Variants in RNF130 observed in about 807,000 individuals in gnomAD.
The protein encoded by RNF130 is E3 ubiquitin-protein ligase RNF130.
RNF130 carries 21 observed loss-of-function variants against 44.6 expected under a neutral mutation model. The observed-to-expected ratio is 0.47, with a 90% CI of 0.33 to 0.68. RNF130 has a LOEUF of 0.68. RNF130 is among the 30% of genes least tolerant of loss of function. The probability of loss-of-function intolerance (pLI) is 0.02; values close to 1 mark genes in which losing one functional copy is unlikely to be tolerated. For missense variants in RNF130, 479 were observed against 560.6 expected, an observed-to-expected ratio of 0.85 and a Z score of 1.47; for synonymous variants, 214 against 210.4, an observed-to-expected ratio of 1.02 and a Z score of -0.15.
rs570884111 is a variant in RNF130 at position 179,977,857 on chromosome 5, A to AAAATAAAT, written c.848+338_848+345dup. Reference sequence around the variant, plus strand: ...GTGACAGAGCGAGACTCCGTCTCAAAAAATAAATAAATAAATAAATAAAAG... The same window carrying AAAATAAAT: ...GTGACAGAGCGAGACTCCGTCTCAAAAAATAAATAAATAAATAAATAAATAAATAAAAG... On this transcript the variant is annotated intron_variant, in intron 5 of 8. Transcript: ENST00000521389. This position sits in a 1 kb window ranked among gnomAD's most constrained non-coding sequence, Gnocchi z 4.1. Among the ~76,000 whole-genome samples the AAAATAAAT allele has an allele frequency of 6.6e-6, 1 of 152,238 alleles. No individual in the cohort carries two copies. The highest frequency in any genetic ancestry group is 6.5e-5 in the Admixed American group (1 of 15,282).
At chr5:180,030,916 A>T (rs1244102474) in intron 2 of RNF130, among the ~76,000 whole-genome samples, 1 of 152,194 alleles carries the variant, frequency 6.6e-6, no homozygotes. Context: ...ATCCACTTAC[A>T]GGCAAATTTT....
At chr5:179,980,007 T>C in intron 4 of RNF130, 122 bp downstream of exon 4, 1 of 759,826 alleles carries the variant, frequency 1.3e-6, no homozygotes, top group South Asian at 1.7e-5. Flanking sequence ...AAGCATTAGG[T>C]AGTGTAGTTG....
At position 180,071,422 on chromosome 5, in the gene RNF130, G is replaced by C. The variant is rs760076932; in HGVS notation, c.247+34C>G. The C allele has an allele frequency of 3.3e-5, 41 of 1,231,624 alleles. No individual in the cohort carries two copies. The African/African-American group carries it at 5.1e-4, about 15-fold the overall frequency. The allele number at this position is 1,231,624 out of a possible 1,614,324, so 76.3% of individuals were successfully genotyped here. A position where few individuals can be genotyped will look rare whatever the true frequency, so the allele number is the denominator to read the frequency against. On this transcript the variant is annotated intron_variant, in intron 1 of 8. Transcript: ENST00000521389. ...TCCCGCCGCCTACGCGGGATGCAGC[G>C]ACCACCGCCCGCCGCCCCCGGGCCG... is the stretch of plus-strand genomic sequence containing the variant.
chr5:179,969,605 C>T (rs1405518814), intron 6 of RNF130, among the ~76,000 whole-genome samples: 1 of 152,098 alleles, frequency 6.6e-6, no homozygotes, highest in Non-Finnish European at 1.5e-5. Flanking sequence ...TGGTGACTCA[C>T]GCCTATAATC....
intron 8 of RNF130, among the ~76,000 whole-genome samples, chr5:179,963,240 C>T (rs754165225): frequency 3.9e-5 from 6 of 152,216 alleles, no homozygotes; most frequent in Non-Finnish European, 8.8e-5. Flanking sequence ...TAATGAAAAC[C>T]TCTGGATCTT....
intron 7 of RNF130, chr5:179,933,840 G>T: frequency 1.3e-6 from 1 of 792,148 alleles, no homozygotes; most frequent in Non-Finnish European, 2.1e-6. Context: ...CCTCCTGTGT[G>T]TTTTTGTCTT....
intron 7 of RNF130, among the ~76,000 whole-genome samples, chr5:179,940,809 T>C (rs540042224): frequency 1.5e-4 from 23 of 151,998 alleles, no homozygotes; most frequent in African/African-American, 5.3e-4. Context: ...CCATTCTCTG[T>C]CTTCTCTCCT....
At position 180,071,739 on chromosome 5, in the gene RNF130, C is replaced by T. The variant is rs1039576739; in HGVS notation, c.-37G>A. 3.8e-4 allele frequency: 447 copies of T among 1,173,754 alleles called. No individual in the cohort carries two copies. Among genetic ancestry groups the T allele is most frequent in the Non-Finnish European group, 4.5e-4 (432 of 952,618 alleles). 72.7% of individuals were successfully genotyped at this position (1,173,754 alleles called of 1,614,324 possible). A position where few individuals can be genotyped will look rare whatever the true frequency, so the allele number is the denominator to read the frequency against. On this transcript the variant is annotated 5_prime_UTR_variant, in exon 1 of 9. Transcript: ENST00000521389. ...CAGCCGCCGCTGCTCGCGGACCGGG[C>T]TCCGGGGCCGGCGCCTAGAGGCGGG...
chr5:180,013,081 T>C lies in RNF130; in HGVS notation c.673A>G (p.Asn225Asp). The C allele has an allele frequency of 1.2e-6, 2 of 1,613,824 alleles. No individual in the cohort carries two copies. Among genetic ancestry groups the C allele is most frequent in the Non-Finnish European group, 1.7e-6 (2 of 1,180,002 alleles). Residue 225 changes from asparagine (N) to aspartate (D), a missense_variant, in exon 3 of 9, where the codon AAT becomes GAT. Around this residue, in one of 3 missense-constraint regions of RNF130, gnomAD observed 180 missense variants for 275.1 expected, o/e 0.65. Coordinates refer to ENST00000521389, the MANE Select transcript of RNF130 (RefSeq NM_018434.6). Reference sequence around the variant, plus strand: ...CTCACCTGGTTCCTGTCGCGTGCATTTGTGTACCTGATCTTCTGAATGAAG... The same window carrying C: ...CTCACCTGGTTCCTGTCGCGTGCATCTGTGTACCTGATCTTCTGAATGAAG... Reference protein sequence around the residue: ...FYFIQKIRYTNARDRNQRRLG... With the variant: ...FYFIQKIRYTDARDRNQRRLG...
intron 4 of RNF130, 104 bp from the exon 5 acceptor site, chr5:179,978,389 G>C (rs908768971): frequency 9.2e-6 from 7 of 764,800 alleles, no homozygotes; most frequent in African/African-American, 3.6e-5. Flanking sequence ...TGGTAAGCAA[G>C]TGTTATAAAC....
intron 1 of RNF130, 87 bp downstream of exon 1, chr5:180,071,368 AG>A (rs1387145599): frequency 1.7e-6 from 2 of 1,179,698 alleles, no homozygotes; most frequent in Non-Finnish European, 2.1e-6. Flanking sequence ...CGGGAGAGCC[AG>A]GGCCAGAGCC....
intron 8 of RNF130, among the ~76,000 whole-genome samples, chr5:179,963,061 C>T (rs554125699): frequency 2.6e-5 from 4 of 152,342 alleles, no homozygotes; most frequent in South Asian, 2.1e-4. Context: ...CAGGCACGGC[C>T]GCCGGGGCTT....
intron 7 of RNF130, among the ~76,000 whole-genome samples, chr5:179,965,063 G>A (rs1762410277): frequency 6.6e-6 from 1 of 152,122 alleles, no homozygotes; most frequent in South Asian, 2.1e-4. Flanking sequence ...ATGATATGCA[G>A]ACTACCTTGT....
chr5:180,038,743 C>T (rs1764336488), intron 2 of RNF130, among the ~76,000 whole-genome samples: 1 of 151,916 alleles, frequency 6.6e-6, no homozygotes, highest in Non-Finnish European at 1.5e-5. Context: ...CCTCATAATT[C>T]CCAGATCATC....
chr5:180,043,050 G>A (rs1043750499), intron 1 of RNF130, among the ~76,000 whole-genome samples: 1 of 152,238 alleles, frequency 6.6e-6, no homozygotes, highest in African/African-American at 2.4e-5. Flanking sequence ...AGGCGTGGTG[G>A]CACACACCTG....
At position 179,963,535 on chromosome 5, in the gene RNF130, G is replaced by A; in HGVS notation, c.1180C>T (p.Leu394Phe). The stretch of plus-strand genomic sequence containing the variant: ...TAGCAGAGTGTGAGGGCACTGAGGA[G>A]GCCAAAACTGGCAATAATAAACCAT... ...KEWFIIASFG[L>F]LSALTLCYMI... Residue 394 changes from leucine (L) to phenylalanine (F), a missense_variant, in exon 8 of 9, where the codon CTC becomes TTC. Physicochemically the swap from Leu to Phe is conservative, Grantham distance 22. Coordinates refer to ENST00000521389, the MANE Select transcript of RNF130 (RefSeq NM_018434.6). The A allele has an allele frequency of 1.2e-6, 2 of 1,613,754 alleles. No homozygotes were observed. Among genetic ancestry groups the A allele is most frequent in the South Asian group, 2.2e-5 (2 of 91,058 alleles).
At chr5:180,028,583 C>T (rs1275129312) in intron 2 of RNF130, among the ~76,000 whole-genome samples, 1 of 152,088 alleles carries the variant, frequency 6.6e-6, no homozygotes, top group Admixed American at 6.5e-5. Flanking sequence ...CGTAATAACA[C>T]TACAGCTGAT....
chr5:180,025,352 G>A (rs1763961174), intron 2 of RNF130, among the ~76,000 whole-genome samples: 1 of 152,182 alleles, frequency 6.6e-6, no homozygotes, highest in Admixed American at 6.5e-5. Flanking sequence ...TCTGCTGCCA[G>A]TGAGGAAAGA....
Position 179,998,867 on chromosome 5 carries a change from ATATATATATATATATATGTTT to A in RNF130, c.693+14173_693+14193del, listed in dbSNP as rs1348916472. On this transcript the variant is annotated intron_variant, in intron 3 of 8. Coordinates refer to ENST00000521389, the MANE Select transcript of RNF130 (RefSeq NM_018434.6). Reference sequence around the variant, plus strand: ...TTTAGATCTAGTATTTTTTATATATATATATATATATATATATGTTTTATATATCTGAGTGCTCCAGTGTTG... The same window carrying A: ...TTTAGATCTAGTATTTTTTATATATATATATATCTGAGTGCTCCAGTGTTG... Among the ~76,000 whole-genome samples, 31 of 125,782 alleles carry A rather than the reference ATATATATATATATATATGTTT, an allele frequency of 2.5e-4. 1 individual carries two copies. Among genetic ancestry groups the A allele is most frequent in the Middle Eastern group, 4.0e-3 (1 of 248 alleles). The allele number at this position is 125,782 out of a possible 152,430, so 82.5% of individuals were successfully genotyped here.
Sources: allele counts gnomAD v4.1 joint callset (sites outside exome capture counted in the v4.1 genomes callset), GRCh38; gene constraint gnomAD v4.1.1; regional missense constraint gnomAD v4.1.1; non-coding constraint Gnocchi (gnomAD v3.1); transcripts MANE v1.5; gene names NCBI Gene and HGNC (gene_info 2026-07-23, HGNC 2026-07-21).